Variants in SGCZ observed in about 807,000 individuals in gnomAD.
The protein encoded by SGCZ is zeta-sarcoglycan.
In SGCZ, 40 loss-of-function variants were observed where a neutral mutation model predicts 41.3. That is an observed-to-expected ratio of 0.97 (90% CI 0.75 to 1.26). The LOEUF is 1.26. SGCZ is among the 50% of genes most tolerant of loss of function. The pLI, the probability that SGCZ is intolerant of heterozygous loss-of-function variation, is 0.00. For missense variants in SGCZ, 552 were observed against 369.8 expected, an observed-to-expected ratio of 1.49 and a Z score of -4.04; for synonymous variants, 206 against 137.5, an observed-to-expected ratio of 1.50 and a Z score of -3.49.
intron 1 of SGCZ, among the ~76,000 whole-genome samples, chr8:15,191,072 C>T (rs1800521008): frequency 6.6e-6 from 1 of 151,984 alleles, no homozygotes; most frequent in South Asian, 2.1e-4. Flanking sequence ...CCCCAATATA[C>T]TTTAATACAA....
chr8:15,218,956 G>A (rs1014302463), intron 1 of SGCZ, among the ~76,000 whole-genome samples: 15 of 152,096 alleles, frequency 9.9e-5, no homozygotes, highest in Admixed American at 2.6e-4. Context: ...TGCCAAAGCT[G>A]AACAAAGAGA....
chr8:14,589,127 A>G (rs1037787666), intron 1 of SGCZ, among the ~76,000 whole-genome samples: 1 of 152,142 alleles, frequency 6.6e-6, no homozygotes, highest in Non-Finnish European at 1.5e-5. Flanking sequence ...TGGCACATGT[A>G]TACATATGTA....
chr8:14,549,572 A>G (rs143757268), intron 2 of SGCZ, among the ~76,000 whole-genome samples: 8 of 152,138 alleles, frequency 5.3e-5, no homozygotes, highest in African/African-American at 1.4e-4. Flanking sequence ...CTCAACCAAG[A>G]TATCAAGGTA....
intron 1 of SGCZ, among the ~76,000 whole-genome samples, chr8:14,761,291 G>A (rs1248984773): frequency 5.9e-5 from 9 of 151,858 alleles, no homozygotes; most frequent in Admixed American, 5.3e-4. Context: ...ATATTAAAAT[G>A]TTCCCAGTTG....
intron 3 of SGCZ, among the ~76,000 whole-genome samples, chr8:14,295,829 C>T (rs544520534): frequency 6.6e-5 from 10 of 152,158 alleles, no homozygotes; most frequent in African/African-American, 1.9e-4. Context: ...ATTTGGAGTG[C>T]GGCAGGTAGG....
chr8:15,192,466 C>A (rs1167989335), intron 1 of SGCZ, among the ~76,000 whole-genome samples: 1 of 152,100 alleles, frequency 6.6e-6, no homozygotes, highest in East Asian at 1.9e-4. Context: ...ACACATCAAT[C>A]CATTTAAATA....
intron 4 of SGCZ, among the ~76,000 whole-genome samples, chr8:14,188,833 T>G (rs996504928): frequency 3.8e-5 from 5 of 132,084 alleles, no homozygotes; most frequent in African/African-American, 1.4e-4. Context: ...TGTTTTTTTT[T>G]GTTTGTTTGT....
chr8:14,308,954 C>T, intron 3 of SGCZ: 1 of 631,124 alleles, frequency 1.6e-6, no homozygotes, highest in South Asian at 2.2e-5. Flanking sequence ...AGCTGATTGG[C>T]ACTTCAGAGT....
chr8:14,712,130 A>C lies in SGCZ; in HGVS notation c.40-157204T>G, dbSNP rs555487425. Among the ~76,000 whole-genome samples, 5 of 152,310 alleles carry C rather than the reference A, an allele frequency of 3.3e-5. No homozygotes were observed. In the East Asian group the frequency reaches 9.7e-4, roughly 29 times the overall value. On this transcript the variant is annotated intron_variant, in intron 1 of 7. Transcript: ENST00000382080. Reference sequence around the variant, plus strand: ...CTAAAAGAAAAACTAAAGCTTAGCCAATCAGAAACTTCCACAACTAACCCC... The same window carrying C: ...CTAAAAGAAAAACTAAAGCTTAGCCCATCAGAAACTTCCACAACTAACCCC...
At chr8:14,267,755 A>C (rs1799923434) in intron 3 of SGCZ, among the ~76,000 whole-genome samples, 1 of 152,070 alleles carries the variant, frequency 6.6e-6, no homozygotes, top group Non-Finnish European at 1.5e-5. Context: ...GTTTGGGCTC[A>C]TTGATCTAAA....
At chr8:14,630,094 G>A (rs555415791) in intron 1 of SGCZ, among the ~76,000 whole-genome samples, 2 of 152,188 alleles carry the variant, frequency 1.3e-5, no homozygotes, top group East Asian at 3.9e-4. Context: ...TTTTCCTTAA[G>A]CATTGTTAGT....
chr8:14,105,910 G>A (rs1332137454), intron 6 of SGCZ, among the ~76,000 whole-genome samples: 1 of 151,894 alleles, frequency 6.6e-6, no homozygotes, highest in Non-Finnish European at 1.5e-5. Context: ...ATAAAAAAAA[G>A]TTCTTTAAGT....
intron 2 of SGCZ, among the ~76,000 whole-genome samples, chr8:14,372,446 T>A (rs10101774): frequency 0.035 from 5,268 of 152,258 alleles, 239 homozygotes; most frequent in African/African-American, 0.11. Context: ...ATGAGAGGAT[T>A]TCTGTGGCTT....
At chr8:15,178,650 G>T (rs773174121) in intron 1 of SGCZ, among the ~76,000 whole-genome samples, 1 of 152,152 alleles carries the variant, frequency 6.6e-6, no homozygotes, top group Non-Finnish European at 1.5e-5. Flanking sequence ...CCCATTGATT[G>T]CCAGTTCCCC....
At chr8:14,761,179 A>G (rs367606425) in intron 1 of SGCZ, among the ~76,000 whole-genome samples, 40 of 152,298 alleles carry the variant, frequency 2.6e-4, no homozygotes, top group African/African-American at 9.4e-4. Context: ...ATATAATTGC[A>G]TTAATTTTGG....
Position 14,176,603 on chromosome 8 carries a change from A to G in SGCZ, c.425-11901T>C, listed in dbSNP as rs186446794. Among the ~76,000 whole-genome samples the G allele has an allele frequency of 2.3e-3, 344 of 152,302 alleles. 3 individuals are homozygous for G. The highest frequency in any genetic ancestry group is 3.6e-3 in the Non-Finnish European group (245 of 68,030). ...GTTAGAAACTAATAAATATAAAAGGACAAAAATATAAATTCTCAAAATGTA... is the reference window on the plus strand; with the variant it reads ...GTTAGAAACTAATAAATATAAAAGGGCAAAAATATAAATTCTCAAAATGTA... On this transcript the variant is annotated intron_variant, in intron 4 of 7. Coordinates refer to ENST00000382080, the MANE Select transcript of SGCZ (RefSeq NM_139167.4).
intron 1 of SGCZ, among the ~76,000 whole-genome samples, chr8:15,026,487 C>T (rs1803461159): frequency 1.3e-5 from 2 of 152,124 alleles, no homozygotes; most frequent in African/African-American, 4.8e-5. Flanking sequence ...TGCTCTTATG[C>T]ATCAAAATAA....
At chr8:14,840,314 A>G (rs1344291656) in intron 1 of SGCZ, among the ~76,000 whole-genome samples, 2 of 152,162 alleles carry the variant, frequency 1.3e-5, no homozygotes, top group Non-Finnish European at 2.9e-5. Context: ...AAACATATTT[A>G]TTCACATAAG....
intron 4 of SGCZ, among the ~76,000 whole-genome samples, chr8:14,200,713 A>T (rs951914684): frequency 3.9e-5 from 6 of 152,190 alleles, no homozygotes; most frequent in Non-Finnish European, 7.4e-5. Flanking sequence ...TAGAGCATAG[A>T]ATAAAGTCTT....
Sources: gnomAD v4.1 joint callset for allele counts (sites outside exome capture counted in the v4.1 genomes callset) on GRCh38, gnomAD v4.1.1 for gene constraint, MANE v1.5 for transcripts, NCBI Gene and HGNC (gene_info 2026-07-23, HGNC 2026-07-21) for gene names.